SLIT3: variants seen among roughly 807,000 people sequenced by gnomAD.
SLIT3 encodes slit homolog 3 protein.
SLIT3 carries 68 observed loss-of-function variants against 184.0 expected under a neutral mutation model. The observed-to-expected ratio is 0.37, with a 90% CI of 0.30 to 0.45. The LOEUF is 0.45. SLIT3 is among the 20% of genes least tolerant of loss of function. The pLI is 1.00. For missense variants in SLIT3, 1,707 were observed against 2,026.0 expected, an observed-to-expected ratio of 0.84 and a Z score of 3.02; for synonymous variants, 831 against 828.6, an observed-to-expected ratio of 1.00 and a Z score of -0.05.
intron 4 of SLIT3, among the ~76,000 whole-genome samples, chr5:169,162,320 C>T (rs1017712217): frequency 2.0e-5 from 3 of 152,194 alleles, no homozygotes; most frequent in African/African-American, 4.8e-5. Flanking sequence ...TTAACAAGTC[C>T]TCCAGGAGAC....
intron 28 of SLIT3, among the ~76,000 whole-genome samples, chr5:168,695,919 T>C (rs996335528): frequency 1.3e-5 from 2 of 152,180 alleles, no homozygotes; most frequent in African/African-American, 4.8e-5. Flanking sequence ...CTGGAAAATG[T>C]GGATTTCAAG....
intron 29 of SLIT3, among the ~76,000 whole-genome samples, chr5:168,687,319 G>T (rs1412433268): frequency 6.6e-6 from 1 of 152,226 alleles, no homozygotes; most frequent in Non-Finnish European, 1.5e-5. Context: ...CGAGTCTTGT[G>T]TTCCAGAGCC....
intron 16 of SLIT3, among the ~76,000 whole-genome samples, chr5:168,756,378 C>T (rs780819694): frequency 3.7e-4 from 56 of 152,214 alleles, no homozygotes; most frequent in Non-Finnish European, 6.3e-4. Flanking sequence ...AGGGACCAGG[C>T]CCCCAGGGTG....
At chr5:169,255,120 T>C (rs1291102160) in intron 1 of SLIT3, among the ~76,000 whole-genome samples, 1 of 152,226 alleles carries the variant, frequency 6.6e-6, no homozygotes, top group African/African-American at 2.4e-5. Context: ...TGTATGCAAG[T>C]ACAGCACATG....
chr5:168,985,423 A>C (rs1194674054), intron 4 of SLIT3, among the ~76,000 whole-genome samples: 1 of 152,220 alleles, frequency 6.6e-6, no homozygotes, highest in Non-Finnish European at 1.5e-5. Flanking sequence ...TGCTTCCGGC[A>C]AGGGGAGTCT....
chr5:168,860,042 C>T (rs1296920649), intron 5 of SLIT3, among the ~76,000 whole-genome samples: 1 of 152,154 alleles, frequency 6.6e-6, no homozygotes, highest in African/African-American at 2.4e-5. Context: ...TTAACAAAAT[C>T]AGAGTTACTA....
At chr5:169,063,775 G>A (rs754677540) in intron 4 of SLIT3, among the ~76,000 whole-genome samples, 15 of 152,350 alleles carry the variant, frequency 9.8e-5, no homozygotes, top group Middle Eastern at 3.4e-3. Context: ...TGTTCATCTC[G>A]CGCTAACAGC....
intron 4 of SLIT3, among the ~76,000 whole-genome samples, chr5:169,187,744 G>C (rs148687935): frequency 0.022 from 3,310 of 151,836 alleles, 141 homozygotes; most frequent in African/African-American, 0.075. Context: ...AGTAGAGACG[G>C]GGTTTCACCA....
chr5:169,146,120 C>T (rs1761915588), intron 4 of SLIT3, among the ~76,000 whole-genome samples: 1 of 152,226 alleles, frequency 6.6e-6, no homozygotes, highest in Non-Finnish European at 1.5e-5. Context: ...TTACAAGAAC[C>T]TCATGAGGAA....
intron 4 of SLIT3, among the ~76,000 whole-genome samples, chr5:168,905,185 G>A (rs201004062): frequency 1.3e-5 from 2 of 150,804 alleles, no homozygotes; most frequent in African/African-American, 2.4e-5. Flanking sequence ...CCAAAAAAAA[G>A]AAAAAAAATG....
At chr5:168,752,890 G>T in intron 18 of SLIT3, 65 bp downstream of exon 18, 1 of 1,499,936 alleles carries the variant, frequency 6.7e-7, no homozygotes, top group East Asian at 2.3e-5. Context: ...GCAGGGAGCT[G>T]GGAGGAGAGA....
At chr5:169,143,246 C>G (rs867514090) in intron 4 of SLIT3, among the ~76,000 whole-genome samples, 1 of 152,166 alleles carries the variant, frequency 6.6e-6, no homozygotes, top group Non-Finnish European at 1.5e-5. Context: ...ATTGTTGTTA[C>G]TATTTATTCT....
intron 1 of SLIT3, among the ~76,000 whole-genome samples, chr5:169,294,251 T>C (rs1188323384): frequency 8.0e-6 from 1 of 124,558 alleles, no homozygotes; most frequent in Non-Finnish European, 1.7e-5. Flanking sequence ...ATAGAAGGAA[T>C]GAGCATTGAA....
At position 168,665,411 on chromosome 5, in the gene SLIT3, C is replaced by G. The variant is rs900228515; in HGVS notation, c.*1043G>C. The G allele has an allele frequency of 6.6e-6, 1 of 152,174 alleles. No individual in the cohort carries two copies. Among genetic ancestry groups the G allele is most frequent in the Non-Finnish European group, 1.5e-5 (1 of 68,066 alleles). 9.4% of individuals were successfully genotyped at this position (152,174 alleles called of 1,614,324 possible). On this transcript the variant is annotated 3_prime_UTR_variant, in exon 36 of 36. Coordinates refer to ENST00000519560, the MANE Select transcript of SLIT3 (RefSeq NM_003062.4). ...CGCTGTGGGCAGACTTGACTTGGCT[C>G]CCAGCCTTCCGCTTCCAAGAAGGGC...
chr5:169,084,900 G>C (rs1759228684), intron 4 of SLIT3, among the ~76,000 whole-genome samples: 1 of 152,130 alleles, frequency 6.6e-6, no homozygotes, highest in Non-Finnish European at 1.5e-5. Flanking sequence ...CATGGGCCAG[G>C]GGAGCCCAGT....
intron 1 of SLIT3, among the ~76,000 whole-genome samples, chr5:169,279,626 A>T (rs1012645683): frequency 6.6e-6 from 1 of 152,246 alleles, no homozygotes; most frequent in Non-Finnish European, 1.5e-5. Context: ...ATAATTTAAT[A>T]AGCTATATAA....
intron 3 of SLIT3, among the ~76,000 whole-genome samples, chr5:169,212,673 T>C (rs1331098313): frequency 6.6e-6 from 1 of 152,220 alleles, no homozygotes; most frequent in Non-Finnish European, 1.5e-5. Flanking sequence ...GACATGGTGT[T>C]TTAGACATGA....
intron 5 of SLIT3, chr5:168,844,895 C>G: frequency 2.9e-6 from 1 of 349,236 alleles, no homozygotes; most frequent in African/African-American, 2.5e-5. Context: ...ATTAATTGCG[C>G]ATTTTTTTTT....
At chr5:168,669,588 A>G (rs1164508302) in intron 35 of SLIT3, among the ~76,000 whole-genome samples, 195 bp downstream of exon 35, 3 of 152,216 alleles carry the variant, frequency 2.0e-5, no homozygotes, top group African/African-American at 7.2e-5. Context: ...GTTGTTATGC[A>G]GCACTAGATA....
Sources: allele counts gnomAD v4.1 joint callset (sites outside exome capture counted in the v4.1 genomes callset), GRCh38; gene constraint gnomAD v4.1.1; transcripts MANE v1.5; gene names NCBI Gene and HGNC (gene_info 2026-07-23, HGNC 2026-07-21).